Variants in PWP1 observed in about 807,000 individuals in gnomAD.
The protein encoded by PWP1 is PWP1 homolog, endonuclein.
A neutral mutation model predicts 69.9 loss-of-function variants in PWP1; 47 were observed. The ratio of observed to expected loss-of-function variants is 0.67; its 90% CI spans 0.53 to 0.86. The LOEUF is 0.86. PWP1 is among the 40% of genes least tolerant of loss of function. The pLI is 0.00. For synonymous variants in PWP1, 222 were observed against 208.2 expected, an observed-to-expected ratio of 1.07 and a Z score of -0.57; for missense variants, 551 against 608.8, an observed-to-expected ratio of 0.91 and a Z score of 1.00.
chr12:107,697,394 G>A, intron 6 of PWP1, 73 bp from the exon 7 acceptor site: 3 of 1,445,818 alleles, frequency 2.1e-6, no homozygotes, highest in Non-Finnish European at 1.9e-6. Context: ...TTAATCTACA[G>A]TATAATGTAT....
At chr12:107,693,354 T>G (rs1279100618) in intron 5 of PWP1, among the ~76,000 whole-genome samples, 2 of 152,090 alleles carry the variant, frequency 1.3e-5, no homozygotes, top group Admixed American at 6.6e-5. Context: ...TTTTTGTTTT[T>G]ATATATAAAC....
intron 5 of PWP1, 121 bp downstream of exon 5, chr12:107,693,217 G>T: frequency 2.9e-6 from 4 of 1,402,608 alleles, no homozygotes; most frequent in Non-Finnish European, 2.8e-6. Flanking sequence ...TGGTTACATA[G>T]TTAACTTTTA....
chr12:107,706,832 A>G (rs1333259604), intron 11 of PWP1, among the ~76,000 whole-genome samples: 2 of 152,146 alleles, frequency 1.3e-5, no homozygotes, highest in Non-Finnish European at 2.9e-5. Context: ...GTCAGGTAGC[A>G]TGATGCCTCC....
At chr12:107,705,327 G>T in intron 11 of PWP1, among the ~76,000 whole-genome samples, 1 of 151,000 alleles carries the variant, frequency 6.6e-6, no homozygotes, top group East Asian at 1.9e-4. Flanking sequence ...TTGTTGCCCA[G>T]TTTTCCTGAA....
In PWP1 at chr12:107,693,096, G is replaced by A; in HGVS notation, c.502G>A (p.Val168Ile). The A allele has an allele frequency of 1.3e-6, 2 of 1,595,960 alleles. No homozygotes were observed. The highest frequency in any genetic ancestry group is 1.1e-5 in the South Asian group (1 of 87,158). Residue 168 changes from valine to isoleucine, a missense_variant and splice_region_variant, in exon 5 of 15, where the codon GTT becomes ATT. Coordinates refer to ENST00000412830, the MANE Select transcript of PWP1 (RefSeq NM_007062.3). ...EQDQCNLEVH[V>I]YNQEEDSFYV... is the part of the protein sequence containing the mutation. ...GGACCAGTGCAATTTAGAGGTGCAT[G>A]GTAAGTGATAAATCCCTTATTAAAA...
intron 6 of PWP1, among the ~76,000 whole-genome samples, chr12:107,697,053 A>G (rs1466938975): frequency 6.6e-6 from 1 of 152,246 alleles, no homozygotes; most frequent in Non-Finnish European, 1.5e-5. Flanking sequence ...TTTTTAATAA[A>G]GGTAAACACT....
rs1889353456 is a variant in PWP1 at position 107,685,923 on chromosome 12, G to T, written c.24G>T (p.Thr8=). 6.2e-7 allele frequency: 1 copy of T among 1,613,940 alleles called. No homozygotes were observed. The part of the protein sequence containing the change: MNRSRQV[T]CVAWVRCGVA... ...CCATGAACCGCAGCCGCCAGGTGAC[G>T]TGCGTGGCCTGGGTCCGCTGCGGCG... Residue 8 remains threonine (T), a synonymous_variant, in exon 1 of 15, where the codon ACG becomes ACT. Coordinates refer to ENST00000412830, the MANE Select transcript of PWP1 (RefSeq NM_007062.3).
chr12:107,708,973 T>C lies in PWP1; in HGVS notation c.1125T>C (p.Asp375=), dbSNP rs1657679377. The change falls in exon 12 of 15, where the codon GAT becomes GAC. Residue 375 remains aspartate, a synonymous_variant. Coordinates refer to ENST00000412830, the MANE Select transcript of PWP1 (RefSeq NM_007062.3). ...TATATAATTTGGATGCACGTTCAGA[T>C]AAGCCAATTTTTACACTTAATGCAC... The part of the protein sequence containing the change: ...GFVYNLDARS[D]KPIFTLNAHN... The C allele has an allele frequency of 6.2e-7, 1 of 1,613,960 alleles. No individual in the cohort carries two copies. The highest frequency in any genetic ancestry group is 8.5e-7 in the Non-Finnish European group (1 of 1,179,924).
intron 10 of PWP1, 72 bp downstream of exon 10, chr12:107,703,818 G>A: frequency 7.1e-7 from 1 of 1,416,876 alleles, no homozygotes; most frequent in Non-Finnish European, 9.9e-7. Context: ...AGTATCACTT[G>A]GTACCCAGGC....
At chr12:107,710,137 T>C (rs930403739) in intron 13 of PWP1, among the ~76,000 whole-genome samples, 4 of 152,014 alleles carry the variant, frequency 2.6e-5, no homozygotes, top group Admixed American at 6.6e-5. Flanking sequence ...AGAGACAGAG[T>C]GATAACGAAG....
At chr12:107,710,144 G>A (rs552091659) in intron 13 of PWP1, among the ~76,000 whole-genome samples, 158 of 152,270 alleles carry the variant, frequency 1.0e-3, no homozygotes, top group Non-Finnish European at 1.4e-3. Flanking sequence ...GAGTGATAAC[G>A]AAGATGAGTG....
chr12:107,688,403 T>A (rs1249676924), intron 1 of PWP1, 45 bp from the exon 2 acceptor site: 1 of 1,523,612 alleles, frequency 6.6e-7, no homozygotes, highest in Non-Finnish European at 8.9e-7. Context: ...AATAATTTGA[T>A]GATTTCCTTA....
intron 3 of PWP1, among the ~76,000 whole-genome samples, chr12:107,691,895 G>A (rs911898012): frequency 2.6e-5 from 4 of 152,020 alleles, no homozygotes; most frequent in African/African-American, 4.8e-5. Context: ...ATTTACCAGC[G>A]GCACACAGCT....
intron 3 of PWP1, 116 bp from the exon 4 acceptor site, chr12:107,692,698 C>T (rs1286525894): frequency 1.2e-6 from 1 of 863,196 alleles, no homozygotes; most frequent in Non-Finnish European, 1.8e-6. Flanking sequence ...TCTAGATGAT[C>T]CAGAGTTAGT....
At chr12:107,708,781 A>G in intron 11 of PWP1, 145 bp from the exon 12 acceptor site, 1 of 763,968 alleles carries the variant, frequency 1.3e-6, no homozygotes, top group Non-Finnish European at 2.1e-6. Context: ...CAGGTCGTCC[A>G]AAAGTAAATG....
At position 107,685,809 on chromosome 12, in the gene PWP1, T is replaced by TGCAGATCCCTGA. The variant is rs1889349627; in HGVS notation, c.-88_-77dup. 1.4e-6 allele frequency: 2 copies of TGCAGATCCCTGA among 1,414,132 alleles called. No homozygotes were observed. The highest frequency in any genetic ancestry group is 2.8e-5 in the African/African-American group (2 of 71,018). 87.6% of individuals were successfully genotyped at this position (1,414,132 alleles called of 1,614,324 possible). On this transcript the variant is annotated 5_prime_UTR_variant, in exon 1 of 15. Coordinates refer to ENST00000412830, the MANE Select transcript of PWP1 (RefSeq NM_007062.3). ...GCGCTCTGCCCTGGCAGCGGCCCTG[T>TGCAGATCCCTGA]GCAGATCCCTGAGCGTGTGGCAGCA...
chr12:107,697,789 C>T, intron 7 of PWP1, 192 bp downstream of exon 7: 3 of 635,410 alleles, frequency 4.7e-6, no homozygotes, highest in Non-Finnish European at 8.7e-6. Flanking sequence ...TTACATAAAA[C>T]CTCCATTATC....
At chr12:107,705,648 T>C (rs1163552758) in intron 11 of PWP1, among the ~76,000 whole-genome samples, 2 of 151,752 alleles carry the variant, frequency 1.3e-5, no homozygotes, top group Non-Finnish European at 2.9e-5. Context: ...CGATAGATAG[T>C]TTTCTGAGAA....
In PWP1 at chr12:107,699,383, C is replaced by A. The variant is rs1889658860; in HGVS notation, c.755C>A (p.Ala252Glu). 6.2e-7 allele frequency: 1 copy of A among 1,612,282 alleles called. No homozygotes were observed. Among genetic ancestry groups the A allele is most frequent in the African/African-American group, 1.3e-5 (1 of 74,878 alleles). Residue 252 changes from alanine (A) to glutamate (E), a missense_variant, in exon 8 of 15, where the codon GCA (alanine) becomes GAA (glutamate). Physicochemically the swap from Ala to Glu is moderately radical, Grantham distance 107. Coordinates refer to ENST00000412830, the MANE Select transcript of PWP1 (RefSeq NM_007062.3). ...KKKKGKKSSS[A>E]EGHTDAVLDL... Reference sequence around the variant, plus strand: ...AAACAATTATTACAGAGTTCCTCAGCAGAAGGGCATACCGATGCTGTCCTT... The same window carrying A: ...AAACAATTATTACAGAGTTCCTCAGAAGAAGGGCATACCGATGCTGTCCTT...
Sources: allele counts gnomAD v4.1 joint callset (sites outside exome capture counted in the v4.1 genomes callset), GRCh38; gene constraint gnomAD v4.1.1; transcripts MANE v1.5; gene names NCBI Gene and HGNC (gene_info 2026-07-23, HGNC 2026-07-21).